The following IMMP2L variants were observed in gnomAD, a reference collection of about 807,000 sequenced individuals.
IMMP2L encodes mitochondrial inner membrane protease subunit 2.
In IMMP2L, 18 loss-of-function variants were observed where a neutral mutation model predicts 19.3. The ratio of observed to expected loss-of-function variants is 0.93; its 90% CI spans 0.64 to 1.38. IMMP2L has a LOEUF of 1.38. IMMP2L is among the 40% of genes most tolerant of loss of function. The pLI, the probability that IMMP2L is intolerant of heterozygous loss-of-function variation, is 0.00. For missense variants in IMMP2L, 233 were observed against 218.2 expected (o/e 1.07, Z -0.43); for synonymous variants, 76 against 73.0 (o/e 1.04, Z -0.21).
rs764255812 is a variant in IMMP2L, at chr7:111,171,377, C to T, written c.240-207812G>A. On this transcript the variant is annotated intron_variant, in intron 3 of 5. Transcript: ENST00000405709. ...AATCAATGTTTTGAATCATTGACCA[C>T]AAGGGAAATAATATTTGAGCCTCCT... 6.6e-5 allele frequency among the ~76,000 whole-genome samples: 10 copies of T among 151,520 alleles called. 1 individual carries two copies. Among genetic ancestry groups the T allele is most frequent in the African/African-American group, 9.7e-5 (4 of 41,310 alleles).
chr7:111,545,786 CTTT>C (rs946492533), intron 1 of IMMP2L, among the ~76,000 whole-genome samples: 3 of 152,044 alleles, frequency 2.0e-5, no homozygotes, highest in African/African-American at 4.8e-5. Flanking sequence ...TATATTTCTT[CTTT>C]GTTTTTATTT....
At chr7:111,102,252 T>A (rs1184641004) in intron 3 of IMMP2L, among the ~76,000 whole-genome samples, 2 of 151,512 alleles carry the variant, frequency 1.3e-5, no homozygotes, top group East Asian at 3.9e-4. Context: ...GATTATAGTT[T>A]TAAAAAGTTT....
At chr7:111,072,827 G>A (rs549707865) in intron 3 of IMMP2L, among the ~76,000 whole-genome samples, 16 of 151,620 alleles carry the variant, frequency 1.1e-4, no homozygotes, top group African/African-American at 2.9e-4. Context: ...CCCAGGAGGC[G>A]GAGCAGCGGA....
chr7:111,434,088 AAAGTAGACAGGTC>A (rs1285268557), intron 3 of IMMP2L, among the ~76,000 whole-genome samples: 1 of 151,844 alleles, frequency 6.6e-6, no homozygotes, highest in Non-Finnish European at 1.5e-5. Flanking sequence ...TACAGGTATA[AAAGTAGACAGGTC>A]CATGGTATAG....
At chr7:111,347,291 G>A (rs1335810341) in intron 3 of IMMP2L, among the ~76,000 whole-genome samples, 1 of 152,078 alleles carries the variant, frequency 6.6e-6, no homozygotes, top group African/African-American at 2.4e-5. Context: ...AAGCAGAGAG[G>A]ATGTAAGGGC....
intron 3 of IMMP2L, among the ~76,000 whole-genome samples, chr7:110,981,212 A>G (rs986573766): frequency 6.6e-6 from 1 of 152,038 alleles, no homozygotes; most frequent in African/African-American, 2.4e-5. Flanking sequence ...GTATAAATGT[A>G]ATCAACTGCT....
chr7:111,420,652 C>T (rs773732773), intron 3 of IMMP2L, among the ~76,000 whole-genome samples: 5 of 145,212 alleles, frequency 3.4e-5, no homozygotes, highest in Non-Finnish European at 3.0e-5. Context: ...TGAGAACATG[C>T]GGTGTCTGGT....
chr7:110,749,891 T>A (rs112523712), intron 5 of IMMP2L, among the ~76,000 whole-genome samples: 10,641 of 151,924 alleles, frequency 0.07, 1,238 homozygotes, highest in African/African-American at 0.24. Context: ...GAACTTAAAG[T>A]ATAATAATAA....
chr7:111,467,858 T>C (rs1307428204), intron 3 of IMMP2L, among the ~76,000 whole-genome samples: 2 of 152,150 alleles, frequency 1.3e-5, no homozygotes, highest in Admixed American at 1.3e-4. Flanking sequence ...CCAATTAATA[T>C]TTATCCTCTT....
At chr7:111,134,612 C>T (rs1802159743) in intron 3 of IMMP2L, among the ~76,000 whole-genome samples, 1 of 151,890 alleles carries the variant, frequency 6.6e-6, no homozygotes, top group Non-Finnish European at 1.5e-5. Context: ...GATATTTTTG[C>T]TATGAAATTT....
chr7:110,963,203 A>G (rs1819153946), intron 4 of IMMP2L: 1 of 793,706 alleles, frequency 1.3e-6, no homozygotes, highest in East Asian at 2.8e-5. Flanking sequence ...TAAAATAGTC[A>G]TGCTACTTTT....
At position 110,757,895 on chromosome 7, in the gene IMMP2L, G is replaced by A. The variant is rs1208635479; in HGVS notation, c.409-94174C>T. Among the ~76,000 whole-genome samples, 2 of 152,096 alleles carry A rather than the reference G, an allele frequency of 1.3e-5. No homozygotes were observed. The highest frequency in any genetic ancestry group is 4.8e-5 in the African/African-American group (2 of 41,432). On this transcript the variant is annotated intron_variant, in intron 5 of 5. Transcript: ENST00000405709. This position sits in a 1 kb window ranked among gnomAD's most constrained non-coding sequence, Gnocchi z 4.2. Reference sequence around the variant, plus strand: ...GCTGTTTGGAGGAAGAGAATTTCAGGCACTGGAAATAGCCGAGGGGAAGGT... The same window carrying A: ...GCTGTTTGGAGGAAGAGAATTTCAGACACTGGAAATAGCCGAGGGGAAGGT...
At chr7:111,138,588 G>T (rs1159638433) in intron 3 of IMMP2L, among the ~76,000 whole-genome samples, 1 of 152,138 alleles carries the variant, frequency 6.6e-6, no homozygotes, top group Non-Finnish European at 1.5e-5. Context: ...GTTATTTCTT[G>T]TTCCAAGTTA....
intron 3 of IMMP2L, among the ~76,000 whole-genome samples, chr7:111,174,948 A>G (rs1036100759): frequency 2.0e-5 from 3 of 151,800 alleles, no homozygotes; most frequent in Admixed American, 6.6e-5. Flanking sequence ...ATGGAATACT[A>G]GGCTTACAAT....
At chr7:111,079,380 G>T (rs969088628) in intron 3 of IMMP2L, among the ~76,000 whole-genome samples, 5 of 152,236 alleles carry the variant, frequency 3.3e-5, no homozygotes, top group Non-Finnish European at 7.4e-5. Context: ...GCCTCCCAAA[G>T]TGCTGGGATT....
At chr7:111,288,439 G>A (rs1466748537) in intron 3 of IMMP2L, among the ~76,000 whole-genome samples, 2 of 152,120 alleles carry the variant, frequency 1.3e-5, no homozygotes, top group East Asian at 3.9e-4. Flanking sequence ...TGGCAAATGG[G>A]ATCTGATTAA....
At chr7:111,070,829 A>G (rs1794893270) in intron 3 of IMMP2L, among the ~76,000 whole-genome samples, 1 of 152,202 alleles carries the variant, frequency 6.6e-6, no homozygotes, top group Admixed American at 6.6e-5. Context: ...CACATCTTCA[A>G]GTTGTAGTTA....
chr7:111,241,936 A>C (rs774120630), intron 3 of IMMP2L, among the ~76,000 whole-genome samples: 76 of 152,146 alleles, frequency 5.0e-4, no homozygotes, highest in South Asian at 1.7e-3. Flanking sequence ...ATGTTGTTAA[A>C]GTTTAAAATG....
At chr7:110,905,111 GT>G (rs1046061259) in intron 4 of IMMP2L, among the ~76,000 whole-genome samples, 1 of 152,084 alleles carries the variant, frequency 6.6e-6, no homozygotes, top group African/African-American at 2.4e-5. Context: ...TTGCAGTAGT[GT>G]ATCTATTACT....
Sources: allele counts gnomAD v4.1 joint callset (sites outside exome capture counted in the v4.1 genomes callset), GRCh38; gene constraint gnomAD v4.1.1; non-coding constraint Gnocchi (gnomAD v3.1); transcripts MANE v1.5; gene names NCBI Gene and HGNC (gene_info 2026-07-23, HGNC 2026-07-21).